TEAD1: variants seen among roughly 807,000 people sequenced by gnomAD.
The protein encoded by TEAD1 is TEA domain transcription factor 1.
In TEAD1, 9 loss-of-function variants were observed where a neutral mutation model predicts 54.9. The observed-to-expected ratio is 0.16, with a 90% CI of 0.10 to 0.29. TEAD1 has a LOEUF of 0.29. TEAD1 is among the 10% of genes least tolerant of loss of function. TEAD1 has a pLI of 1.00. For synonymous variants in TEAD1, 200 were observed against 187.8 expected (o/e 1.07, Z -0.53); for missense variants, 387 against 535.9 (o/e 0.72, Z 2.74).
chr11:12,749,332 A>G (rs1031674057), intron 2 of TEAD1, among the ~76,000 whole-genome samples: 6 of 152,204 alleles, frequency 3.9e-5, no homozygotes, highest in South Asian at 2.1e-4. Flanking sequence ...CTGAGAGCTC[A>G]TCTTGTTCCT....
chr11:12,873,295 A>G (rs1947792299), intron 5 of TEAD1, among the ~76,000 whole-genome samples: 1 of 152,216 alleles, frequency 6.6e-6, no homozygotes, highest in Non-Finnish European at 1.5e-5. Context: ...GCCTTCTCCC[A>G]GACACCTGGA....
At chr11:12,808,041 G>A (rs908701314) in intron 3 of TEAD1, among the ~76,000 whole-genome samples, 1 of 152,136 alleles carries the variant, frequency 6.6e-6, no homozygotes, top group African/African-American at 2.4e-5. Context: ...AAAATGAGAA[G>A]TTTTGTTTCT....
At chr11:12,700,378 G>A (rs1943673100) in intron 2 of TEAD1, among the ~76,000 whole-genome samples, 1 of 152,160 alleles carries the variant, frequency 6.6e-6, no homozygotes, top group Non-Finnish European at 1.5e-5. Context: ...TACCCAACCT[G>A]TGTGCACTTT....
chr11:12,771,558 A>T (rs967432760), intron 3 of TEAD1, among the ~76,000 whole-genome samples: 10 of 152,120 alleles, frequency 6.6e-5, no homozygotes, highest in Admixed American at 6.6e-4. Flanking sequence ...GTTAAGCGAG[A>T]TGGGGAGTGG....
chr11:12,897,072 T>C (rs964583188), intron 9 of TEAD1, among the ~76,000 whole-genome samples: 2 of 152,216 alleles, frequency 1.3e-5, no homozygotes, highest in African/African-American at 4.8e-5. Context: ...CTTGCATATG[T>C]GAGTCATTGA....
intron 2 of TEAD1, among the ~76,000 whole-genome samples, chr11:12,712,150 A>C (rs1252530791): frequency 6.6e-6 from 1 of 151,976 alleles, no homozygotes; most frequent in Non-Finnish European, 1.5e-5. Flanking sequence ...TCATGGAGTC[A>C]CCCTTGTCCT....
intron 2 of TEAD1, among the ~76,000 whole-genome samples, chr11:12,695,705 A>G (rs1943566273): frequency 1.3e-5 from 2 of 152,204 alleles, no homozygotes; most frequent in South Asian, 4.1e-4. Flanking sequence ...TTACTTTATG[A>G]AAAACCCAGT....
At chr11:12,803,726 A>G (rs1403241967) in intron 3 of TEAD1, among the ~76,000 whole-genome samples, 1 of 152,222 alleles carries the variant, frequency 6.6e-6, no homozygotes, top group African/African-American at 2.4e-5. Flanking sequence ...TCAGTTGCTG[A>G]GCCAGACTTT....
At chr11:12,835,443 G>A (rs1590196828) in intron 3 of TEAD1, among the ~76,000 whole-genome samples, 1 of 151,882 alleles carries the variant, frequency 6.6e-6, no homozygotes, top group African/African-American at 2.4e-5. Flanking sequence ...CCAAGTAGGT[G>A]GAATTATAGG....
intron 2 of TEAD1, among the ~76,000 whole-genome samples, chr11:12,691,594 T>C (rs1943458495): frequency 6.6e-6 from 1 of 152,214 alleles, no homozygotes; most frequent in African/African-American, 2.4e-5. Flanking sequence ...GCTTGTCATC[T>C]TGTCCTTTCC....
At chr11:12,791,741 C>T (rs1564941210) in intron 3 of TEAD1, among the ~76,000 whole-genome samples, 1 of 152,028 alleles carries the variant, frequency 6.6e-6, no homozygotes, top group Non-Finnish European at 1.5e-5. Context: ...TAAGCTGTTC[C>T]TATAAGTAAG....
chr11:12,866,007 A>G (rs1947607618), intron 5 of TEAD1, among the ~76,000 whole-genome samples: 1 of 152,194 alleles, frequency 6.6e-6, no homozygotes, highest in Non-Finnish European at 1.5e-5. Context: ...TTTTTATGCA[A>G]ACAAGGCTGG....
chr11:12,830,196 AG>A (rs56854413), intron 3 of TEAD1, among the ~76,000 whole-genome samples: 5,554 of 152,186 alleles, frequency 0.036, 368 homozygotes, highest in African/African-American at 0.12. Flanking sequence ...AAATAAACAA[AG>A]GAAGACAGCA....
At chr11:12,701,010 G>A (rs965171795) in intron 2 of TEAD1, among the ~76,000 whole-genome samples, 12 of 152,208 alleles carry the variant, frequency 7.9e-5, no homozygotes, top group African/African-American at 2.7e-4. Flanking sequence ...ATGCTTTAGA[G>A]TTTAGATTTT....
At chr11:12,718,068 C>T (rs1016261794) in intron 2 of TEAD1, among the ~76,000 whole-genome samples, 2 of 152,140 alleles carry the variant, frequency 1.3e-5, no homozygotes, top group Non-Finnish European at 2.9e-5. Context: ...TTTTCTTAGC[C>T]TCTAACCTCA....
intron 2 of TEAD1, among the ~76,000 whole-genome samples, chr11:12,685,364 C>T (rs769318584): frequency 6.6e-6 from 1 of 152,116 alleles, no homozygotes; most frequent in Non-Finnish European, 1.5e-5. Flanking sequence ...CCCTGGGAGT[C>T]TACTAAAATT....
intron 3 of TEAD1, among the ~76,000 whole-genome samples, chr11:12,787,852 A>C (rs751057395): frequency 1.3e-5 from 2 of 152,178 alleles, no homozygotes; most frequent in Non-Finnish European, 2.9e-5. Flanking sequence ...ATTATTTTAA[A>C]TGTCAGCCAG....
At chr11:12,922,774 C>T (rs1305246981) in intron 10 of TEAD1, 1 of 151,800 alleles carries the variant, frequency 6.6e-6, no homozygotes, top group African/African-American at 2.4e-5. Context: ...ACTAGAAATA[C>T]AGAAATTAGT....
chr11:12,776,517 G>T (rs1945422618), intron 3 of TEAD1, among the ~76,000 whole-genome samples: 1 of 152,086 alleles, frequency 6.6e-6, no homozygotes, highest in African/African-American at 2.4e-5. Flanking sequence ...TTGGACAGAG[G>T]TGGGTAGATT....
Sources: gnomAD v4.1 joint callset for allele counts (sites outside exome capture counted in the v4.1 genomes callset) on GRCh38, gnomAD v4.1.1 for gene constraint, MANE v1.5 for transcripts, NCBI Gene and HGNC (gene_info 2026-07-23, HGNC 2026-07-21) for gene names.